The following FRMD4B variants were observed in gnomAD, a reference collection of about 807,000 sequenced individuals.
The protein encoded by FRMD4B is FERM domain-containing protein 4B.
FRMD4B carries 74 observed loss-of-function variants against 141.5 expected under a neutral mutation model. The ratio of observed to expected loss-of-function variants is 0.52; its 90% CI spans 0.43 to 0.63. The LOEUF is 0.63. FRMD4B is among the 30% of genes least tolerant of loss of function. The pLI, the probability that FRMD4B is intolerant of heterozygous loss-of-function variation, is 0.00. For synonymous variants in FRMD4B, 506 were observed against 467.9 expected, an observed-to-expected ratio of 1.08 and a Z score of -1.05; for missense variants, 1,366 against 1,253.4, an observed-to-expected ratio of 1.09 and a Z score of -1.36.
At position 69,269,193 on chromosome 3, in the gene FRMD4B, T is replaced by C. The variant is rs556939255; in HGVS notation, c.501+18559A>G. The stretch of plus-strand genomic sequence containing the variant: ...ACCCACCTGCCTCGGCCTCTCAGAG[T>C]GTTGGGATTACAGGCGTTAGCCACT... On this transcript the variant is annotated intron_variant, in intron 5 of 22. Coordinates refer to ENST00000398540, the MANE Select transcript of FRMD4B (RefSeq NM_015123.3). 1.3e-5 allele frequency among the ~76,000 whole-genome samples: 2 copies of C among 151,660 alleles called. 1 individual carries two copies. The highest frequency in any genetic ancestry group is 4.9e-5 in the African/African-American group (2 of 41,042).
chr3:69,384,182 A>G (rs1462593784), intron 1 of FRMD4B, among the ~76,000 whole-genome samples: 1 of 152,220 alleles, frequency 6.6e-6, no homozygotes, highest in Admixed American at 6.5e-5. Flanking sequence ...AGAAAAAAAT[A>G]CATATATTTT....
intron 4 of FRMD4B, among the ~76,000 whole-genome samples, chr3:69,298,201 G>A (rs372613032): frequency 1.1e-4 from 16 of 152,330 alleles, no homozygotes; most frequent in South Asian, 1.0e-3. Flanking sequence ...GCAAGTTCTC[G>A]TGGAATTTTT....
intron 11 of FRMD4B, among the ~76,000 whole-genome samples, chr3:69,214,638 C>G (rs1191164783): frequency 6.6e-6 from 1 of 152,094 alleles, no homozygotes; most frequent in Non-Finnish European, 1.5e-5. Context: ...GTGGGAAGAT[C>G]GCTTGAGCCC....
chr3:69,172,389 A>G (rs1376265926), intron 22 of FRMD4B, among the ~76,000 whole-genome samples: 3 of 152,114 alleles, frequency 2.0e-5, no homozygotes, highest in African/African-American at 7.2e-5. Flanking sequence ...GTCTTTTCCA[A>G]CATTCTCTCT....
chr3:69,519,290 G>T (rs1700815869), intron 1 of FRMD4B, among the ~76,000 whole-genome samples: 1 of 152,182 alleles, frequency 6.6e-6, no homozygotes, highest in Non-Finnish European at 1.5e-5. Flanking sequence ...TGTGTGCATG[G>T]CTGGGGAGAG....
intron 1 of FRMD4B, among the ~76,000 whole-genome samples, chr3:69,329,516 ATTTTTTTTTTTTTT>A (rs10554375): frequency 5.4e-5 from 3 of 55,560 alleles, no homozygotes; most frequent in Non-Finnish European, 6.9e-5. Flanking sequence ...TGCCCAGCTA[ATTTTTTTTTTTTTT>A]TTTTTTTTTT....
At chr3:69,267,942 T>C (rs546003473) in intron 5 of FRMD4B, among the ~76,000 whole-genome samples, 1 of 151,966 alleles carries the variant, frequency 6.6e-6, no homozygotes, top group African/African-American at 2.4e-5. Context: ...CTAATACATA[T>C]TTTTAAGTGA....
At position 69,378,006 on chromosome 3, in the gene FRMD4B, A is replaced by G. The variant is rs369598137; in HGVS notation, c.162+7822T>C. 3.4e-3 allele frequency among the ~76,000 whole-genome samples: 491 copies of G among 146,512 alleles called. 3 individuals are homozygous for G. Among genetic ancestry groups the G allele is most frequent in the African/African-American group, 0.012 (467 of 39,474 alleles). On this transcript the variant is annotated intron_variant, in intron 1 of 22. Transcript: ENST00000398540. Reference sequence around the variant, plus strand: ...TTTTTTTTTTTTGTATTTTTAGTAGAGATGGGGTTTTGCCATATTGGCCAG... The same window carrying G: ...TTTTTTTTTTTTGTATTTTTAGTAGGGATGGGGTTTTGCCATATTGGCCAG...
intron 19 of FRMD4B, among the ~76,000 whole-genome samples, chr3:69,187,183 A>G (rs1045487113): frequency 3.9e-5 from 6 of 152,136 alleles, no homozygotes; most frequent in Non-Finnish European, 8.8e-5. Flanking sequence ...TAATGTCCCT[A>G]TAAGTTAATA....
chr3:69,532,269 A>T (rs529758598), intron 1 of FRMD4B, among the ~76,000 whole-genome samples: 36 of 152,374 alleles, frequency 2.4e-4, no homozygotes, highest in African/African-American at 8.4e-4. Context: ...GTTATTTGAT[A>T]TGACAAGTTA....
chr3:69,470,765 T>G (rs66930736), intron 1 of FRMD4B, among the ~76,000 whole-genome samples: 1 of 151,968 alleles, frequency 6.6e-6, no homozygotes, highest in South Asian at 2.1e-4. Context: ...TCCTAAGTAC[T>G]TTTTCCCCCT....
At chr3:69,361,527 C>A (rs1340242360) in intron 1 of FRMD4B, among the ~76,000 whole-genome samples, 3 of 152,172 alleles carry the variant, frequency 2.0e-5, no homozygotes, top group African/African-American at 7.2e-5. Context: ...CCATAACAAC[C>A]ACTATTCAGA....
intron 1 of FRMD4B, among the ~76,000 whole-genome samples, chr3:69,539,620 C>T (rs948292008): frequency 9.2e-5 from 14 of 152,096 alleles, no homozygotes; most frequent in Admixed American, 6.6e-4. Context: ...CCTCAAAATA[C>T]GGTATTTAGG....
upstream of FRMD4B, among the ~76,000 whole-genome samples, chr3:69,390,284 A>T (rs17043808): frequency 8.5e-3 from 1,288 of 152,264 alleles, 33 homozygotes; most frequent in East Asian, 0.091. Context: ...TACTCTCTAG[A>T]CACCTGAAAA....
intron 1 of FRMD4B, among the ~76,000 whole-genome samples, chr3:69,363,843 G>A (rs1703552856): frequency 6.6e-6 from 1 of 152,198 alleles, no homozygotes; most frequent in African/African-American, 2.4e-5. Context: ...GTGTACTGAG[G>A]CAACAGGTGT....
chr3:69,483,783 G>T (rs1442789925), intron 1 of FRMD4B, among the ~76,000 whole-genome samples: 1 of 152,092 alleles, frequency 6.6e-6, no homozygotes, highest in Non-Finnish European at 1.5e-5. Flanking sequence ...GAAATAAAAT[G>T]GAAGACTTAA....
intron 1 of FRMD4B, among the ~76,000 whole-genome samples, chr3:69,449,126 T>C (rs372899368): frequency 1.2e-4 from 18 of 152,306 alleles, no homozygotes; most frequent in African/African-American, 4.3e-4. Context: ...CAGATTTTTA[T>C]CACCCCAAGG....
At chr3:69,426,323 T>C (rs920046496) in intron 2 of FRMD4B, among the ~76,000 whole-genome samples, 1 of 147,714 alleles carries the variant, frequency 6.8e-6, no homozygotes, top group African/African-American at 2.5e-5. Context: ...TTTAAAAGCG[T>C]GTGTGTGTGT....
intron 1 of FRMD4B, among the ~76,000 whole-genome samples, chr3:69,384,870 T>A (rs1305517715): frequency 1.3e-5 from 2 of 152,174 alleles, no homozygotes; most frequent in Admixed American, 1.3e-4. Context: ...ACATAAATTC[T>A]AGACATATTA....
Sources: allele counts gnomAD v4.1 joint callset (sites outside exome capture counted in the v4.1 genomes callset), GRCh38; gene constraint gnomAD v4.1.1; transcripts MANE v1.5; gene names NCBI Gene and HGNC (gene_info 2026-07-23, HGNC 2026-07-21).